USP40: variants seen among roughly 807,000 people sequenced by gnomAD.
USP40 encodes ubiquitin carboxyl-terminal hydrolase 40.
Under a neutral mutation model 166.2 loss-of-function variants are expected in USP40, and 143 were observed. The ratio of observed to expected loss-of-function variants is 0.86; its 90% CI spans 0.75 to 0.99. USP40 has a LOEUF of 0.99. Among genes scored for constraint, USP40 ranks in the 50% least tolerant of loss-of-function variants. The probability of loss-of-function intolerance (pLI) is 0.00; values close to 1 mark genes in which losing one functional copy is unlikely to be tolerated. For missense variants in USP40, 1,444 were observed against 1,479.7 expected, an observed-to-expected ratio of 0.98 and a Z score of 0.40; for synonymous variants, 498 against 524.0, an observed-to-expected ratio of 0.95 and a Z score of 0.68.
At chr2:233,484,168 A>G (rs180877892) in intron 30 of USP40, among the ~76,000 whole-genome samples, 31 of 152,328 alleles carry the variant, frequency 2.0e-4, no homozygotes, top group African/African-American at 5.5e-4. Context: ...AACAACAACA[A>G]CAAAAGAAAA....
rs1320775635 is a variant in USP40, at chr2:233,559,856, T to A, written c.336A>T (p.Ala112=). ...AQLLLLDQEA[A]STADLTDSFG... ...AGCTGTCAGTGAGGTCTGCTGTGGA[T>A]GCAGCTTCCTGGTCTAAGAGCAGAA... is the stretch of plus-strand genomic sequence containing the variant. The change falls in exon 4 of 32, where the codon GCA becomes GCT. Residue 112 remains alanine (A), a synonymous_variant. Coordinates refer to ENST00000678225, the MANE Select transcript of USP40 (RefSeq NM_001365479.2). 2 of 1,610,578 alleles carry A rather than the reference T, an allele frequency of 1.2e-6. No homozygotes were observed. Among genetic ancestry groups the A allele is most frequent in the African/African-American group, 1.3e-5 (1 of 74,912 alleles).
At chr2:233,558,659 TA>T (rs1389462036) in intron 4 of USP40, among the ~76,000 whole-genome samples, 3 of 152,162 alleles carry the variant, frequency 2.0e-5, no homozygotes, top group African/African-American at 7.2e-5. Context: ...TTTGGGGTGG[TA>T]AAAATTTTCT....
At chr2:233,487,593 A>G (rs2065022394) in intron 28 of USP40, 1 of 172,752 alleles carries the variant, frequency 5.8e-6, no homozygotes, top group South Asian at 1.4e-4. Context: ...TACTCATATC[A>G]TAATAGGTAG....
At chr2:233,490,017 GT>G (rs2125062912) in intron 26 of USP40, 1 of 152,322 alleles carries the variant, frequency 6.6e-6, no homozygotes, top group South Asian at 2.1e-4. Flanking sequence ...ATATACTTAG[GT>G]TGGAGCCTCT....
intron 19 of USP40, 54 bp downstream of exon 19, chr2:233,512,515 C>G: frequency 7.7e-7 from 1 of 1,297,354 alleles, no homozygotes; most frequent in South Asian, 1.5e-5. Flanking sequence ...CACTATTTAT[C>G]AAGAAAGACA....
At chr2:233,499,764 T>C (rs1275236358) in intron 22 of USP40, 115 bp downstream of exon 22, 3 of 815,522 alleles carry the variant, frequency 3.7e-6, no homozygotes, top group Non-Finnish European at 5.8e-6. Flanking sequence ...TGTAAACTAC[T>C]TTTTATTTCT....
At chr2:233,511,042 T>C (rs1200898608) in intron 20 of USP40, among the ~76,000 whole-genome samples, 2 of 152,012 alleles carry the variant, frequency 1.3e-5, no homozygotes, top group Non-Finnish European at 2.9e-5. Flanking sequence ...AGTAATGAAG[T>C]GAATTTGGGA....
At chr2:233,539,959 C>A (rs1408284001) in intron 10 of USP40, among the ~76,000 whole-genome samples, 2 of 151,612 alleles carry the variant, frequency 1.3e-5, no homozygotes, top group East Asian at 1.9e-4. Flanking sequence ...CATGGCAAAA[C>A]CCTGTCTCTA....
At chr2:233,498,756 C>T in intron 22 of USP40, 144 bp from the exon 23 acceptor site, 1 of 657,344 alleles carries the variant, frequency 1.5e-6, no homozygotes, top group Non-Finnish European at 2.6e-6. Flanking sequence ...TTAATGAAGT[C>T]TGAGAACAGC....
chr2:233,512,276 C>CA (rs975587766), intron 19 of USP40: 9 of 211,996 alleles, frequency 4.2e-5, no homozygotes, highest in Middle Eastern at 1.6e-3. Context: ...ATAAAATTCA[C>CA]AAAAAAATGG....
chr2:233,479,208 A>G (rs929493402), intron 31 of USP40, among the ~76,000 whole-genome samples: 4 of 152,222 alleles, frequency 2.6e-5, no homozygotes, highest in African/African-American at 9.6e-5. Context: ...CCTGGTGACA[A>G]CTAAGGCTTT....
chr2:233,480,147 C>T lies in USP40; in HGVS notation c.3599+1056G>A, dbSNP rs981431894. Among the ~76,000 whole-genome samples, 1 of 152,198 alleles carries T rather than the reference C, an allele frequency of 6.6e-6. No individual in the cohort carries two copies. The highest frequency in any genetic ancestry group is 1.5e-5 in the Non-Finnish European group (1 of 68,042). On this transcript the variant is annotated intron_variant, in intron 31 of 31. Coordinates refer to ENST00000678225, the MANE Select transcript of USP40 (RefSeq NM_001365479.2). The surrounding 1 kb of genome is among the most constrained non-coding windows in gnomAD (Gnocchi z 4.5). Reference sequence around the variant, plus strand: ...CCTGCCCTGCCACCTCCACCTGGGACCTCTCTTCCCCAGACGCCCCCAGTG... The same window carrying T: ...CCTGCCCTGCCACCTCCACCTGGGATCTCTCTTCCCCAGACGCCCCCAGTG...
At chr2:233,517,064 TTTG>T (rs1242598417) in intron 18 of USP40, among the ~76,000 whole-genome samples, 2 of 152,184 alleles carry the variant, frequency 1.3e-5, no homozygotes, top group East Asian at 3.8e-4. Context: ...TGATGTCGAT[TTTG>T]TTGTTGTTGT....
At chr2:233,556,094 C>G (rs187405269) in intron 5 of USP40, among the ~76,000 whole-genome samples, 2 of 145,238 alleles carry the variant, frequency 1.4e-5, no homozygotes, top group East Asian at 4.0e-4. Flanking sequence ...CCAGCCTGGG[C>G]GACAAAGCAA....
rs866771199 is a variant in USP40, at chr2:233,551,441, G to A, written c.772C>T (p.Arg258Cys). 29 of 1,612,552 alleles carry A rather than the reference G, an allele frequency of 1.8e-5. No homozygotes were observed. The highest frequency in any genetic ancestry group is 1.6e-4 in the Middle Eastern group (1 of 6,082). The change falls in exon 7 of 32, where the codon CGC (arginine) becomes TGC (cysteine). Residue 258 changes from arginine to cysteine, a missense_variant. Physicochemically the swap from Arg to Cys is radical, Grantham distance 180 (BLOSUM62 -3). Transcript: ENST00000678225. ...GTATAACAGCTAGTTTCCTTGTAGC[G>A]TTCGCATTTCACAAAATCAAAATTA... ...RFNFDFVKCE[R>C]YKETSCYTFP...
Position 233,533,708 on chromosome 2 carries a change from A to C in USP40, c.1242T>G (p.Ser414Arg). The change falls in exon 11 of 32, where the codon AGT (serine) becomes AGG (arginine). Residue 414 changes from serine to arginine, a missense_variant. Ser to Arg is a moderately radical substitution (Grantham distance 110, BLOSUM62 -1). Transcript: ENST00000678225. ...DESTVRLLKN[S>R]SLQAESDFQR... ...GGAAATCAGACTCAGCCTGGAGAGA[A>C]CTATTCTTCAAGAGACGAACTGTAC... is the stretch of plus-strand genomic sequence containing the variant. 1 of 1,613,562 alleles carries C rather than the reference A, an allele frequency of 6.2e-7. No individual in the cohort carries two copies. Among genetic ancestry groups the C allele is most frequent in the Non-Finnish European group, 8.5e-7 (1 of 1,179,744 alleles).
intron 16 of USP40, among the ~76,000 whole-genome samples, chr2:233,521,859 C>T (rs2125218199): frequency 6.6e-6 from 1 of 152,290 alleles, no homozygotes; most frequent in South Asian, 2.1e-4. Flanking sequence ...TAGTGAAAAA[C>T]TGTATGATAA....
At chr2:233,539,128 T>C (rs1401872642) in intron 10 of USP40, among the ~76,000 whole-genome samples, 3 of 151,142 alleles carry the variant, frequency 2.0e-5, no homozygotes, top group African/African-American at 7.3e-5. Context: ...GCAAAAACTG[T>C]CAAAACTTTT....
At chr2:233,517,583 T>G (rs1315831207) in intron 18 of USP40, among the ~76,000 whole-genome samples, 1 of 152,132 alleles carries the variant, frequency 6.6e-6, no homozygotes, top group Non-Finnish European at 1.5e-5. Context: ...GAGACAGGGT[T>G]TCACCATGTT....
Sources: gnomAD v4.1 joint callset for allele counts (sites outside exome capture counted in the v4.1 genomes callset) on GRCh38, gnomAD v4.1.1 for gene constraint, Gnocchi (gnomAD v3.1) non-coding constraint, MANE v1.5 for transcripts, NCBI Gene and HGNC (gene_info 2026-07-23, HGNC 2026-07-21) for gene names.